NIPSNAP3A: variants seen among roughly 807,000 people sequenced by gnomAD.
The protein encoded by NIPSNAP3A is protein NipSnap homolog 3A.
A neutral mutation model predicts 32.3 loss-of-function variants in NIPSNAP3A; 27 were observed. The observed-to-expected ratio is 0.84, with a 90% CI of 0.62 to 1.15. NIPSNAP3A has a LOEUF of 1.15. NIPSNAP3A is among the 50% of genes most tolerant of loss of function. NIPSNAP3A has a pLI of 0.00. For synonymous variants in NIPSNAP3A, 108 were observed against 107.3 expected (o/e 1.01, Z -0.04); for missense variants, 278 against 297.2 (o/e 0.94, Z 0.48).
At chr9:104,751,783 C>G (rs1288897811) in intron 2 of NIPSNAP3A, among the ~76,000 whole-genome samples, 1 of 152,064 alleles carries the variant, frequency 6.6e-6, no homozygotes, top group African/African-American at 2.4e-5. Flanking sequence ...TCATACTACT[C>G]TAGGGAGGTA....
Position 104,759,264 on chromosome 9 carries a change from C to G in NIPSNAP3A, c.670C>G (p.Arg224Gly). 1.2e-6 allele frequency: 2 copies of G among 1,614,030 alleles called. No individual in the cohort carries two copies. The highest frequency in any genetic ancestry group is 1.1e-5 in the South Asian group (1 of 91,072). The change falls in exon 6 of 6, where the codon CGG (arginine) becomes GGG (glycine). Residue 224 changes from arginine to glycine, a missense_variant and splice_region_variant. Arg to Gly is a moderately radical substitution (Grantham distance 125). Transcript: ENST00000374767. ...CTTTCTATGAAATGTTTTTCCAGTT[C>G]GGGAAAGTGTCAACTACCTAGTATC... is the stretch of plus-strand genomic sequence containing the variant. Reference protein sequence around the residue: ...HEDPRVVAAVRESVNYLVSQQ... With the variant: ...HEDPRVVAAVGESVNYLVSQQ...
At chr9:104,755,104 G>C (rs1827891448) in intron 4 of NIPSNAP3A, among the ~76,000 whole-genome samples, 1 of 152,076 alleles carries the variant, frequency 6.6e-6, no homozygotes, top group South Asian at 2.1e-4. Flanking sequence ...AGCCAGGCAT[G>C]GTGGTGGGGG....
intron 3 of NIPSNAP3A, among the ~76,000 whole-genome samples, chr9:104,753,397 T>C (rs1202151392): frequency 6.6e-6 from 1 of 152,098 alleles, no homozygotes; most frequent in African/African-American, 2.4e-5. Flanking sequence ...GCATAAGAAG[T>C]TTTGCCATAA....
chr9:104,750,376 G>T lies in NIPSNAP3A; in HGVS notation c.61-580G>T, dbSNP rs570928319. Among the ~76,000 whole-genome samples, 4 of 152,308 alleles carry T rather than the reference G, an allele frequency of 2.6e-5. No individual in the cohort carries two copies. In the East Asian group the frequency reaches 5.8e-4, roughly 22 times the overall value. On this transcript the variant is annotated intron_variant, in intron 1 of 5. Coordinates refer to ENST00000374767, the MANE Select transcript of NIPSNAP3A (RefSeq NM_015469.3). ...CTAGGAAACAGTAACTACACACTCA[G>T]CATATTTAAGAGTAGTTGTCTTTAT...
Position 104,759,114 on chromosome 9 carries a change from G to T in NIPSNAP3A, c.610G>T (p.Asp204Tyr). Reference sequence around the variant, plus strand: ...TGTTCTTTGGTGGAATGAGAGTGCAGATAGTCGTGCAGCTGGGAGACATAA... The same window carrying T: ...TGTTCTTTGGTGGAATGAGAGTGCATATAGTCGTGCAGCTGGGAGACATAA... ...VHVLWWNESA[D>Y]SRAAGRHKSH... The change falls in exon 5 of 6, where the codon GAT becomes TAT. Residue 204 changes from aspartate (D) to tyrosine (Y), a missense_variant. By Grantham distance (160) the Asp-to-Tyr change is radical. Coordinates refer to ENST00000374767, the MANE Select transcript of NIPSNAP3A (RefSeq NM_015469.3). The T allele has an allele frequency of 6.2e-7, 1 of 1,613,064 alleles. No homozygotes were observed. Among genetic ancestry groups the T allele is most frequent in the South Asian group, 1.1e-5 (1 of 90,866 alleles).
intron 4 of NIPSNAP3A, 86 bp downstream of exon 4, chr9:104,754,786 G>A (rs1827887419): frequency 2.9e-6 from 3 of 1,051,534 alleles, no homozygotes; most frequent in East Asian, 5.1e-5. Context: ...TCATTATAGA[G>A]TATGTTTTAT....
At chr9:104,757,346 T>A (rs1389808507) in intron 4 of NIPSNAP3A, among the ~76,000 whole-genome samples, 1 of 152,190 alleles carries the variant, frequency 6.6e-6, no homozygotes, top group Non-Finnish European at 1.5e-5. Context: ...TCAGACTGCC[T>A]GGGTTTGAAT....
chr9:104,756,608 T>C lies in NIPSNAP3A; in HGVS notation c.580+1908T>C, dbSNP rs1827908959. Among the ~76,000 whole-genome samples the C allele has an allele frequency of 2.0e-5, 3 of 151,918 alleles. 1 individual carries two copies. The South Asian group carries it at 6.2e-4, about 31-fold the overall frequency. ...GTACTCAGATACTGTGTAGGGTTCA[T>C]ATTAGCTTAATCTTCCCCCAAAATT... On this transcript the variant is annotated intron_variant, in intron 4 of 5. Transcript: ENST00000374767.
rs373043926 is a variant in NIPSNAP3A at position 104,750,824 on chromosome 9, A to G, written c.61-132A>G. On this transcript the variant is annotated intron_variant, in intron 1 of 5. Coordinates refer to ENST00000374767, the MANE Select transcript of NIPSNAP3A (RefSeq NM_015469.3). ...CACCCTCCATCAGTAACATATTGAG[A>G]ATTGACAACAGAAGTACAAACATGA... 1.7e-5 allele frequency: 13 copies of G among 752,160 alleles called. No individual in the cohort carries two copies. The African/African-American group carries it at 2.2e-4, about 13-fold the overall frequency. The allele number at this position is 752,160 out of a possible 1,614,324, so 46.6% of individuals were successfully genotyped here.
At chr9:104,756,213 C>T (rs996379176) in intron 4 of NIPSNAP3A, among the ~76,000 whole-genome samples, 1 of 151,856 alleles carries the variant, frequency 6.6e-6, no homozygotes, top group African/African-American at 2.4e-5. Flanking sequence ...TAAAGTCAAG[C>T]TGGATTGTAT....
intron 4 of NIPSNAP3A, 122 bp from the exon 5 acceptor site, chr9:104,758,961 ACT>A (rs936592054): frequency 1.2e-5 from 13 of 1,100,616 alleles, no homozygotes; most frequent in Non-Finnish European, 1.7e-5. Context: ...CAAGAGTGAA[ACT>A]CTTGTTTCAA....
chr9:104,749,889 A>G lies in NIPSNAP3A; in HGVS notation c.61-1067A>G, dbSNP rs535778461. 1.0e-4 allele frequency among the ~76,000 whole-genome samples: 5 copies of G among 48,152 alleles called. No individual in the cohort carries two copies. In the South Asian group the frequency reaches 3.3e-3, roughly 32 times the overall value. The allele number at this position is 48,152 out of a possible 152,430, so 31.6% of individuals were successfully genotyped here. A position where few individuals can be genotyped will look rare whatever the true frequency, so the allele number is the denominator to read the frequency against. ...AAATGTTGTTCACATTGCATCTGTA[A>G]TTAGAAACTAATAAGAAAATTTTGA... On this transcript the variant is annotated intron_variant, in intron 1 of 5. Transcript: ENST00000374767.
At chr9:104,758,971 C>CAAAAAAAA (rs34457398) in intron 4 of NIPSNAP3A, 114 bp from the exon 5 acceptor site, 35 of 402,514 alleles carry the variant, frequency 8.7e-5, no homozygotes, top group East Asian at 2.0e-4. Flanking sequence ...ACTCTTGTTT[C>CAAAAAAAA]AAAAAAAAAA....
intron 1 of NIPSNAP3A, among the ~76,000 whole-genome samples, chr9:104,748,221 G>T (rs1827802321): frequency 1.3e-5 from 2 of 152,202 alleles, no homozygotes; most frequent in Non-Finnish European, 2.9e-5. Flanking sequence ...GTTGTCACCT[G>T]GCGCTGTGGA....
In NIPSNAP3A at chr9:104,754,634, C is replaced by T. The variant is rs552900393; in HGVS notation, c.514C>T (p.His172Tyr). Residue 172 changes from histidine (H) to tyrosine (Y), a missense_variant, in exon 4 of 6, where the codon CAT becomes TAT. Physicochemically the swap from His to Tyr is moderately conservative, Grantham distance 83. Coordinates refer to ENST00000374767, the MANE Select transcript of NIPSNAP3A (RefSeq NM_015469.3). Reference protein sequence around the residue: ...GDAFKRAVHAHVNLGYTKLVG... With the variant: ...GDAFKRAVHAYVNLGYTKLVG... ...TGCATTTAAAAGGGCAGTTCATGCT[C>T]ATGTCAATCTAGGCTACACAAAACT... The T allele has an allele frequency of 1.2e-6, 2 of 1,613,958 alleles. No homozygotes were observed.
chr9:104,748,895 G>A (rs1242189704), intron 1 of NIPSNAP3A, among the ~76,000 whole-genome samples: 1 of 152,140 alleles, frequency 6.6e-6, no homozygotes, highest in Non-Finnish European at 1.5e-5. Context: ...GATAAGGGAG[G>A]ATGGACGACT....
In NIPSNAP3A at chr9:104,751,176, C is replaced by CA; in HGVS notation, c.271+11dup. 6.2e-7 allele frequency: 1 copy of CA among 1,609,756 alleles called. No individual in the cohort carries two copies. Among genetic ancestry groups the CA allele is most frequent in the South Asian group, 1.1e-5 (1 of 90,852 alleles). ...CATATTTGGAAGTATGGTAAAGAGT[C>CA]ATCCAATTTTGGCTTTCAGTATAGA... On this transcript the variant is annotated intron_variant, in intron 2 of 5. Transcript: ENST00000374767.
intron 2 of NIPSNAP3A, among the ~76,000 whole-genome samples, chr9:104,752,324 G>A (rs1827856393): frequency 6.6e-6 from 1 of 152,126 alleles, no homozygotes; most frequent in East Asian, 1.9e-4. Flanking sequence ...GGCTTAAAAA[G>A]TACGGTTTAA....
chr9:104,758,971 C>CAAAAAAAAAAAAAAAAAAAAAAAAA, intron 4 of NIPSNAP3A, 114 bp from the exon 5 acceptor site: 1 of 316,068 alleles, frequency 3.2e-6, no homozygotes, highest in Non-Finnish European at 5.1e-6. Flanking sequence ...ACTCTTGTTT[C>CAAAAAAAAAAAAAAAAAAAAAAAAA]AAAAAAAAAA....
Sources: gnomAD v4.1 joint callset for allele counts (sites outside exome capture counted in the v4.1 genomes callset) on GRCh38, gnomAD v4.1.1 for gene constraint, MANE v1.5 for transcripts, NCBI Gene and HGNC (gene_info 2026-07-23, HGNC 2026-07-21) for gene names.